The following PER2 variants were observed in gnomAD, a reference collection of about 807,000 sequenced individuals.
PER2 encodes the protein period circadian protein homolog 2.
PER2 carries 66 observed loss-of-function variants against 121.0 expected under a neutral mutation model. The ratio of observed to expected loss-of-function variants is 0.55; its 90% CI spans 0.45 to 0.67. The LOEUF is 0.67. PER2 is among the 30% of genes least tolerant of loss of function. The pLI is 0.00. For synonymous variants in PER2, 684 were observed against 659.9 expected (o/e 1.04, Z -0.56); for missense variants, 1,521 against 1,635.0 (o/e 0.93, Z 1.20).
intron 16 of PER2, among the ~76,000 whole-genome samples, chr2:238,257,996 A>T (rs921548065): frequency 1.2e-4 from 19 of 152,010 alleles, no homozygotes; most frequent in African/African-American, 4.6e-4. Context: ...CATGAAGGGG[A>T]CCAGGAGATG....
intron 1 of PER2, among the ~76,000 whole-genome samples, chr2:238,284,454 AAAAG>A (rs1400503229): frequency 2.6e-5 from 4 of 152,124 alleles, no homozygotes; most frequent in African/African-American, 7.2e-5. Context: ...AAAAAAAAAA[AAAAG>A]AGAGAGAAAA....
chr2:238,261,875 A>G (rs1363897337), intron 11 of PER2, 38 bp from the exon 12 acceptor site: 2 of 1,411,688 alleles, frequency 1.4e-6, no homozygotes, highest in East Asian at 2.5e-5. Context: ...ATGGGGCCCC[A>G]CAGGAGGACC....
intron 1 of PER2, among the ~76,000 whole-genome samples, chr2:238,286,504 G>A (rs1047502852): frequency 6.6e-6 from 1 of 152,178 alleles, no homozygotes; most frequent in Non-Finnish European, 1.5e-5. Flanking sequence ...CTGGTCCCTA[G>A]GGGGGAGTGC....
chr2:238,271,298 C>G lies in PER2; in HGVS notation c.772+14G>C. 6.2e-7 allele frequency: 1 copy of G among 1,610,640 alleles called. No homozygotes were observed. ...GACCCCAGAGGGAACAAGGCACTAC[C>G]TCGATAACCTCACCTGCTCCACTGC... is the stretch of plus-strand genomic sequence containing the variant. On this transcript the variant is annotated intron_variant, in intron 6 of 22. Transcript: ENST00000254657.
chr2:238,287,740 T>G (rs1005571555), intron 1 of PER2, among the ~76,000 whole-genome samples: 4 of 152,212 alleles, frequency 2.6e-5, no homozygotes, highest in African/African-American at 9.7e-5. Flanking sequence ...TTGTTCTGTA[T>G]GAATCAGCTT....
At chr2:238,258,738 G>A in intron 14 of PER2, 94 bp from the exon 15 acceptor site, 12 of 1,271,886 alleles carry the variant, frequency 9.4e-6, no homozygotes, top group Non-Finnish European at 1.4e-5. Flanking sequence ...TGAAGACAGG[G>A]CTGGGGACTC....
chr2:238,265,678 A>C (rs542996559), intron 8 of PER2, 88 bp from the exon 9 acceptor site: 2 of 832,914 alleles, frequency 2.4e-6, no homozygotes, highest in African/African-American at 3.4e-5. Flanking sequence ...CACCCTGTAG[A>C]TTCAGAGTAA....
At chr2:238,248,401 AG>A (rs1444000041) in intron 22 of PER2, among the ~76,000 whole-genome samples, 2 of 152,190 alleles carry the variant, frequency 1.3e-5, no homozygotes, top group African/African-American at 4.8e-5. Flanking sequence ...TGTGCCTGAG[AG>A]CACGCCAGCA....
intron 6 of PER2, among the ~76,000 whole-genome samples, chr2:238,270,695 C>G (rs1353713070): frequency 1.3e-5 from 2 of 152,210 alleles, no homozygotes; most frequent in Non-Finnish European, 2.9e-5. Flanking sequence ...CCAGACCCGG[C>G]TGGGAGGGCC....
upstream of PER2, among the ~76,000 whole-genome samples, chr2:238,290,354 A>G (rs913998824): frequency 1.3e-5 from 2 of 150,920 alleles, no homozygotes; most frequent in African/African-American, 4.9e-5. Flanking sequence ...TGCGCCCTGC[A>G]CACACCCAAA....
intron 1 of PER2, among the ~76,000 whole-genome samples, chr2:238,281,890 A>G (rs1162568032): frequency 1.3e-5 from 2 of 152,172 alleles, no homozygotes; most frequent in Non-Finnish European, 2.9e-5. Context: ...GTGCTCAGAG[A>G]TGTGTGAGCA....
chr2:238,276,753 C>T (rs187508468), intron 3 of PER2, among the ~76,000 whole-genome samples: 3,143 of 150,964 alleles, frequency 0.021, 52 homozygotes, highest in Non-Finnish European at 0.029. Context: ...TGCAAAGTGC[C>T]CACATGCCCT....
In PER2 at chr2:238,253,298, G is replaced by A. The variant is rs995811527; in HGVS notation, c.2725C>T (p.Pro909Ser). 1 of 1,613,438 alleles carries A rather than the reference G, an allele frequency of 6.2e-7. No homozygotes were observed. The highest frequency in any genetic ancestry group is 1.3e-5 in the African/African-American group (1 of 74,930). Reference sequence around the variant, plus strand: ...GTCCCCGAGGGGAAGGAATAACTGGGTAGCATGAATGCCATGACAGGCGCC... The same window carrying A: ...GTCCCCGAGGGGAAGGAATAACTGGATAGCATGAATGCCATGACAGGCGCC... ...PLAPVMAFMLPSYSFPSGTPN... is the reference protein window; with the variant it reads ...PLAPVMAFMLSSYSFPSGTPN... The change falls in exon 19 of 23, where the codon CCC becomes TCC. Residue 909 changes from proline to serine, a missense_variant. Transcript: ENST00000254657. The surrounding 1 kb of genome is among the most constrained non-coding windows in gnomAD (Gnocchi z 5.6).
At chr2:238,267,131 C>CG (rs1696137925) in intron 8 of PER2, among the ~76,000 whole-genome samples, 1 of 151,898 alleles carries the variant, frequency 6.6e-6, no homozygotes, top group Non-Finnish European at 1.5e-5. Flanking sequence ...CTGGCTTCCC[C>CG]GGGTTCAGCA....
chr2:238,298,056 G>A, the PER2 span, among the ~76,000 whole-genome samples: 5 of 133,360 alleles, frequency 3.7e-5, no homozygotes, highest in South Asian at 2.3e-4. Context: ...TTTGTGATAC[G>A]GAGTCTCGCT....
intron 18 of PER2, chr2:238,255,380 A>C: frequency 1.9e-6 from 1 of 533,426 alleles, no homozygotes. Context: ...TCAGGCAAGA[A>C]ATGTGGACAT....
At position 238,252,814 on chromosome 2, in the gene PER2, T is replaced by C. The variant is rs1011107076; in HGVS notation, c.3111+98A>G. 4.8e-5 allele frequency: 51 copies of C among 1,065,516 alleles called. No individual in the cohort carries two copies. In the South Asian group the frequency reaches 6.2e-4, roughly 13 times the overall value. The allele number at this position is 1,065,516 out of a possible 1,614,324, so 66.0% of individuals were successfully genotyped here. A position where few individuals can be genotyped will look rare whatever the true frequency, so the allele number is the denominator to read the frequency against. The stretch of plus-strand genomic sequence containing the variant: ...CTACAGGGTTTGGTGGAAACCTCAA[T>C]CGTGTAACCCCCATGTCTGAACTGA... On this transcript the variant is annotated intron_variant, in intron 19 of 22. Transcript: ENST00000254657. This position sits in a 1 kb window ranked among gnomAD's most constrained non-coding sequence, Gnocchi z 4.2.
rs147411911 is a variant in PER2, at chr2:238,252,455, C to T, written c.3111+457G>A. 1.9e-4 allele frequency among the ~76,000 whole-genome samples: 29 copies of T among 152,370 alleles called. No individual in the cohort carries two copies. The South Asian group carries it at 2.7e-3, about 14-fold the overall frequency. ...TTAAGAATCTCACACAGTGTCCCTA[C>T]GCCTGCGGAGGATGGAAACTGAGGT... On this transcript the variant is annotated intron_variant, in intron 19 of 22. Coordinates refer to ENST00000254657, the MANE Select transcript of PER2 (RefSeq NM_022817.3). The surrounding 1 kb of genome is among the most constrained non-coding windows in gnomAD (Gnocchi z 4.2).
intron 10 of PER2, 25 bp from the exon 11 acceptor site, chr2:238,262,369 A>G (rs775961511): frequency 5.8e-5 from 94 of 1,612,270 alleles, no homozygotes; most frequent in Admixed American, 5.5e-4. Flanking sequence ...GCCAGCATTC[A>G]GGGGAAAAGG....
Sources: allele counts gnomAD v4.1 joint callset (sites outside exome capture counted in the v4.1 genomes callset), GRCh38; gene constraint gnomAD v4.1.1; non-coding constraint Gnocchi (gnomAD v3.1); transcripts MANE v1.5; gene names NCBI Gene and HGNC (gene_info 2026-07-23, HGNC 2026-07-21).